GNG12: variants seen among roughly 807,000 people sequenced by gnomAD.
GNG12 encodes the protein G protein subunit gamma 12.
For missense variants in GNG12, 69 were observed against 83.8 expected (o/e 0.82, Z 0.69); for synonymous variants, 28 against 29.7 (o/e 0.94, Z 0.19).
intron 1 of GNG12, among the ~76,000 whole-genome samples, chr1:67,786,935 A>ATATGTGTGTGTGTG (rs1332684243): frequency 7.5e-6 from 1 of 133,410 alleles, no homozygotes; most frequent in African/African-American, 3.0e-5. Context: ...TTATATATAT[A>ATATGTGTGTGTGTG]TGTGTGTGTG....
intron 1 of GNG12, among the ~76,000 whole-genome samples, chr1:67,829,399 T>C (rs1249636422): frequency 6.6e-6 from 1 of 152,226 alleles, no homozygotes; most frequent in African/African-American, 2.4e-5. Context: ...ATGATGATTG[T>C]CTAATTCTCT....
At chr1:67,814,619 C>T (rs992125294) in intron 1 of GNG12, among the ~76,000 whole-genome samples, 1 of 152,236 alleles carries the variant, frequency 6.6e-6, no homozygotes, top group African/African-American at 2.4e-5. Flanking sequence ...CCTGGACTTT[C>T]TGTCCTCTTG....
At chr1:67,728,998 C>G (rs561734611) in intron 2 of GNG12, among the ~76,000 whole-genome samples, 6 of 152,170 alleles carry the variant, frequency 3.9e-5, no homozygotes, top group Admixed American at 3.3e-4. Context: ...CTAGATAATG[C>G]TGAAGAACTC....
chr1:67,830,352 C>A (rs1186364699), intron 1 of GNG12, among the ~76,000 whole-genome samples: 2 of 152,160 alleles, frequency 1.3e-5, no homozygotes, highest in African/African-American at 4.8e-5. Flanking sequence ...AATGAGTCAA[C>A]AATGTGATGA....
At chr1:67,713,864 A>T (rs1049651663) in intron 2 of GNG12, among the ~76,000 whole-genome samples, 3 of 152,232 alleles carry the variant, frequency 2.0e-5, no homozygotes, top group African/African-American at 7.2e-5. Flanking sequence ...GCTCACTAAC[A>T]AGATGAAAAA....
chr1:67,826,339 T>C (rs887223123), intron 1 of GNG12, among the ~76,000 whole-genome samples: 2 of 152,216 alleles, frequency 1.3e-5, no homozygotes, highest in African/African-American at 4.8e-5. Flanking sequence ...CCAGGATGCA[T>C]GTGGTTTTGT....
chr1:67,715,297 C>G (rs1646319280), intron 2 of GNG12, among the ~76,000 whole-genome samples: 1 of 152,224 alleles, frequency 6.6e-6, no homozygotes. Flanking sequence ...AGACGTCTAG[C>G]TTCCAGAAAT....
intron 2 of GNG12, among the ~76,000 whole-genome samples, chr1:67,758,125 C>A (rs1294488878): frequency 1.3e-5 from 2 of 152,182 alleles, no homozygotes; most frequent in Non-Finnish European, 2.9e-5. Context: ...GCACCCACGA[C>A]CACACCCCTG....
intron 2 of GNG12, among the ~76,000 whole-genome samples, chr1:67,772,399 A>T (rs1646680112): frequency 6.6e-6 from 1 of 152,174 alleles, no homozygotes; most frequent in Non-Finnish European, 1.5e-5. Context: ...GTAGGTAGTC[A>T]ATGTAACTGT....
chr1:67,776,823 G>T (rs1342152627), intron 2 of GNG12, among the ~76,000 whole-genome samples: 1 of 152,106 alleles, frequency 6.6e-6, no homozygotes, highest in African/African-American at 2.4e-5. Context: ...GTAAATTTTG[G>T]GGTGGTTTGT....
intron 1 of GNG12, among the ~76,000 whole-genome samples, chr1:67,796,598 T>C (rs1646832768): frequency 1.3e-5 from 2 of 152,096 alleles, no homozygotes; most frequent in African/African-American, 4.8e-5. Flanking sequence ...TATTTACTAG[T>C]TGGGTTATGC....
intron 1 of GNG12, among the ~76,000 whole-genome samples, chr1:67,812,686 C>A (rs1646932792): frequency 6.6e-6 from 1 of 152,058 alleles, no homozygotes; most frequent in Admixed American, 6.5e-5. Context: ...TTTCCTCCTC[C>A]TAAATGTCTA....
intron 3 of GNG12, among the ~76,000 whole-genome samples, chr1:67,707,156 T>C (rs947089023): frequency 3.3e-5 from 5 of 152,172 alleles, no homozygotes; most frequent in Admixed American, 3.3e-4. Flanking sequence ...CCAAACACAT[T>C]TAAAAGCTTC....
Position 67,720,242 on chromosome 1 carries a change from A to C in GNG12, c.-26-12530T>G, listed in dbSNP as rs185117267. ...ACCAAGATTCCAAGGGACCATGCACACTCATCCTGTGCCCCAAATAAGTTT... is the reference window on the plus strand; with the variant it reads ...ACCAAGATTCCAAGGGACCATGCACCCTCATCCTGTGCCCCAAATAAGTTT... On this transcript the variant is annotated intron_variant, in intron 2 of 3. Coordinates refer to ENST00000370982, the MANE Select transcript of GNG12 (RefSeq NM_018841.6). Among the ~76,000 whole-genome samples the C allele has an allele frequency of 2.3e-3, 355 of 152,258 alleles. 2 individuals carry two copies. The highest frequency in any genetic ancestry group is 8.1e-3 in the African/African-American group (336 of 41,542).
At chr1:67,803,434 AC>A (rs1012076981) in intron 1 of GNG12, among the ~76,000 whole-genome samples, 141 of 152,318 alleles carry the variant, frequency 9.3e-4, no homozygotes, top group African/African-American at 3.4e-3. Flanking sequence ...GTTGAGAAGC[AC>A]TGATCTGGAG....
intron 2 of GNG12, among the ~76,000 whole-genome samples, chr1:67,758,888 A>C (rs773238487): frequency 6.6e-6 from 1 of 152,072 alleles, no homozygotes; most frequent in Non-Finnish European, 1.5e-5. Flanking sequence ...GAGGCTGGGA[A>C]GGGAAGGGGG....
intron 1 of GNG12, among the ~76,000 whole-genome samples, chr1:67,822,788 G>T (rs1365435855): frequency 6.6e-6 from 1 of 151,606 alleles, no homozygotes; most frequent in Non-Finnish European, 1.5e-5. Context: ...AAATTCATAA[G>T]ACTGCCTCTT....
At position 67,702,411 on chromosome 1, in the gene GNG12, G is replaced by A. The variant is rs1018357305; in HGVS notation, c.*3040C>T. Reference sequence around the variant, plus strand: ...GAATATTTGGCACATCCTCCACTACGTAAGCTACCCTATGCCTCAAAATTA... The same window carrying A: ...GAATATTTGGCACATCCTCCACTACATAAGCTACCCTATGCCTCAAAATTA... On this transcript the variant is annotated 3_prime_UTR_variant, in exon 4 of 4. Coordinates refer to ENST00000370982, the MANE Select transcript of GNG12 (RefSeq NM_018841.6). 6 of 152,114 alleles carry A rather than the reference G, an allele frequency of 3.9e-5. No individual in the cohort carries two copies. Among genetic ancestry groups the A allele is most frequent in the East Asian group, 3.8e-4 (2 of 5,200 alleles). 9.4% of individuals were successfully genotyped at this position (152,114 alleles called of 1,614,324 possible).
intron 2 of GNG12, among the ~76,000 whole-genome samples, chr1:67,771,255 T>C (rs1646672696): frequency 6.6e-6 from 1 of 152,230 alleles, no homozygotes; most frequent in Admixed American, 6.5e-5. Context: ...TGCTAAGTCC[T>C]GACTAAGTGC....
Sources: allele counts gnomAD v4.1 joint callset (sites outside exome capture counted in the v4.1 genomes callset), GRCh38; gene constraint gnomAD v4.1.1; transcripts MANE v1.5; gene names NCBI Gene and HGNC (gene_info 2026-07-23, HGNC 2026-07-21).